Variants in DAPK1 observed in about 807,000 individuals in gnomAD.
DAPK1 encodes the protein death-associated protein kinase 1.
DAPK1 carries 56 observed loss-of-function variants against 144.9 expected under a neutral mutation model. The observed-to-expected ratio is 0.39, with a 90% CI of 0.31 to 0.48. DAPK1 has a LOEUF of 0.48. DAPK1 is among the 20% of genes least tolerant of loss of function. The probability of loss-of-function intolerance (pLI) is 0.95; values close to 1 mark genes in which losing one functional copy is unlikely to be tolerated. For missense variants in DAPK1, 1,454 were observed against 1,875.4 expected, an observed-to-expected ratio of 0.78 and a Z score of 4.15; for synonymous variants, 690 against 749.0, an observed-to-expected ratio of 0.92 and a Z score of 1.29.
intron 3 of DAPK1, among the ~76,000 whole-genome samples, chr9:87,621,629 G>A (rs78704872): frequency 2.0e-5 from 3 of 152,180 alleles, no homozygotes; most frequent in Non-Finnish European, 2.9e-5. Flanking sequence ...GTGGTCTGCA[G>A]TTCTTTGGAT....
At chr9:87,537,990 A>C (rs1825919201) in intron 2 of DAPK1, among the ~76,000 whole-genome samples, 1 of 152,204 alleles carries the variant, frequency 6.6e-6, no homozygotes, top group Admixed American at 6.5e-5. Context: ...TACGGGCCCA[A>C]AATGCTTTGT....
intron 16 of DAPK1, among the ~76,000 whole-genome samples, chr9:87,651,023 G>A (rs748226678): frequency 6.6e-6 from 1 of 152,148 alleles, no homozygotes; most frequent in African/African-American, 2.4e-5. Context: ...ATGAATGCCC[G>A]GGCTGGTTTT....
intron 2 of DAPK1, among the ~76,000 whole-genome samples, chr9:87,505,551 G>A (rs370645501): frequency 1.3e-5 from 2 of 151,852 alleles, no homozygotes; most frequent in East Asian, 3.9e-4. Flanking sequence ...GCCTGCCACC[G>A]TGCCTGGCTT....
chr9:87,565,620 G>A (rs139373202), intron 2 of DAPK1, among the ~76,000 whole-genome samples: 46 of 152,258 alleles, frequency 3.0e-4, no homozygotes, highest in African/African-American at 9.4e-4. Flanking sequence ...CTGCCTAGAA[G>A]AGAAGTAAAA....
intron 3 of DAPK1, among the ~76,000 whole-genome samples, chr9:87,617,553 T>A (rs563639522): frequency 6.6e-5 from 10 of 152,298 alleles, no homozygotes; most frequent in Non-Finnish European, 1.3e-4. Flanking sequence ...CATTCCCCCT[T>A]CAGATCACTT....
intron 2 of DAPK1, among the ~76,000 whole-genome samples, chr9:87,564,344 T>C (rs73494339): frequency 0.031 from 4,745 of 152,276 alleles, 263 homozygotes; most frequent in African/African-American, 0.11. Context: ...CACTGAGACA[T>C]GTGTGACAAA....
chr9:87,580,989 T>A (rs544609723), intron 2 of DAPK1, among the ~76,000 whole-genome samples: 1 of 152,326 alleles, frequency 6.6e-6, no homozygotes, highest in South Asian at 2.1e-4. Flanking sequence ...ATGGGACCAC[T>A]AAACCCTCTC....
intron 25 of DAPK1, among the ~76,000 whole-genome samples, chr9:87,704,562 G>C (rs1474928645): frequency 6.6e-6 from 1 of 152,182 alleles, no homozygotes; most frequent in Admixed American, 6.5e-5. Flanking sequence ...TTCTGGCCCA[G>C]GGTCCCACAC....
chr9:87,704,718 T>G (rs936059198), intron 25 of DAPK1, among the ~76,000 whole-genome samples: 2 of 152,200 alleles, frequency 1.3e-5, no homozygotes, highest in African/African-American at 4.8e-5. Flanking sequence ...AGATCAATAT[T>G]GGCTCTGCCC....
intron 2 of DAPK1, among the ~76,000 whole-genome samples, chr9:87,533,029 T>C (rs1054468264): frequency 6.6e-6 from 1 of 152,102 alleles, no homozygotes; most frequent in Non-Finnish European, 1.5e-5. Flanking sequence ...ATTTCCTGAA[T>C]GGAATAAAAG....
intron 2 of DAPK1, chr9:87,506,706 T>C (rs2118052968): frequency 6.6e-6 from 1 of 152,342 alleles, no homozygotes; most frequent in South Asian, 2.1e-4. Flanking sequence ...GGGTAAATTA[T>C]ACAAATGGAA....
chr9:87,666,971 C>G (rs1200001627), intron 18 of DAPK1, among the ~76,000 whole-genome samples: 1 of 152,160 alleles, frequency 6.6e-6, no homozygotes, highest in Non-Finnish European at 1.5e-5. Context: ...CAGTGGTTCC[C>G]AAACCTTGCT....
chr9:87,705,084 T>C (rs1825590597), intron 25 of DAPK1, among the ~76,000 whole-genome samples: 1 of 152,082 alleles, frequency 6.6e-6, no homozygotes, highest in Non-Finnish European at 1.5e-5. Context: ...TCAGGCCTTT[T>C]CTATGTGTGT....
intron 2 of DAPK1, among the ~76,000 whole-genome samples, chr9:87,571,440 C>T (rs972707376): frequency 2.5e-5 from 1 of 39,952 alleles, no homozygotes; most frequent in South Asian, 1.0e-3. Context: ...CCCCCCAACA[C>T]ACACACACAC....
In DAPK1 at chr9:87,686,894, G is replaced by A. The variant is rs778387527; in HGVS notation, c.2413+155G>A. ...TCAGAGTGAGCCAGGACTGAAGCAT[G>A]GCTGGCTACCATCCCTAAACAGTGA... On this transcript the variant is annotated intron_variant, in intron 21 of 25. Transcript: ENST00000408954. The surrounding 1 kb of genome is among the most constrained non-coding windows in gnomAD (Gnocchi z 4.2). 12 of 971,136 alleles carry A rather than the reference G, an allele frequency of 1.2e-5. No homozygotes were observed. The highest frequency in any genetic ancestry group is 1.8e-5 in the African/African-American group (1 of 56,908). The allele number at this position is 971,136 out of a possible 1,614,324, so 60.2% of individuals were successfully genotyped here. A position where few individuals can be genotyped will look rare whatever the true frequency, so the allele number is the denominator to read the frequency against.
chr9:87,668,710 C>T (rs749188645), intron 19 of DAPK1, 36 bp downstream of exon 19: 8 of 921,812 alleles, frequency 8.7e-6, no homozygotes, highest in Non-Finnish European at 1.3e-5. Flanking sequence ...AGTTCTCTAC[C>T]TGTGTTTATG....
chr9:87,639,260 C>CTTTT, intron 4 of DAPK1, 94 bp from the exon 5 acceptor site: 11 of 982,498 alleles, frequency 1.1e-5, no homozygotes, highest in South Asian at 2.1e-5. Context: ...ACTTTTTGGC[C>CTTTT]TTTTTTTTTT....
chr9:87,684,153 C>T (rs967367154), intron 20 of DAPK1, among the ~76,000 whole-genome samples: 2 of 152,238 alleles, frequency 1.3e-5, no homozygotes, highest in African/African-American at 4.8e-5. Context: ...CAGGGCACCG[C>T]GAGGGCGGCC....
chr9:87,504,967 C>T (rs562040844), intron 2 of DAPK1, among the ~76,000 whole-genome samples: 33 of 152,288 alleles, frequency 2.2e-4, no homozygotes, highest in African/African-American at 7.7e-4. Context: ...TCCATGGATG[C>T]AGAACCCACA....
Sources: gnomAD v4.1 joint callset for allele counts (sites outside exome capture counted in the v4.1 genomes callset) on GRCh38, gnomAD v4.1.1 for gene constraint, Gnocchi (gnomAD v3.1) non-coding constraint, MANE v1.5 for transcripts, NCBI Gene and HGNC (gene_info 2026-07-23, HGNC 2026-07-21) for gene names.